LIMCH1: variants seen among roughly 807,000 people sequenced by gnomAD.
The protein encoded by LIMCH1 is LIM and calponin homology domains-containing protein 1.
In LIMCH1, 113 loss-of-function variants were observed where a neutral mutation model predicts 176.5. That is an observed-to-expected ratio of 0.64 (90% CI 0.55 to 0.75). The LOEUF (loss-of-function observed/expected upper bound fraction) is 0.75, where lower values mean the gene tolerates loss of function less well. Among genes scored for constraint, LIMCH1 ranks in the 30% least tolerant of loss-of-function variants. The pLI, the probability that LIMCH1 is intolerant of heterozygous loss-of-function variation, is 0.00. For missense variants in LIMCH1, 1,674 were observed against 1,814.9 expected (o/e 0.92, Z 1.41); for synonymous variants, 619 against 645.9 (o/e 0.96, Z 0.63).
chr4:41,592,619 G>C (rs7674730), intron 1 of LIMCH1, among the ~76,000 whole-genome samples: 1 of 151,864 alleles, frequency 6.6e-6, no homozygotes, highest in African/African-American at 2.4e-5. Context: ...ATAACTCCCA[G>C]ACAATGAGTG....
At chr4:41,682,259 T>C (rs186563788) in intron 25 of LIMCH1, 74 bp from the exon 26 acceptor site, 3 of 1,110,478 alleles carry the variant, frequency 2.7e-6, no homozygotes, top group African/African-American at 3.2e-5. Context: ...ACTTCAAATA[T>C]CCCTGGCCAG....
At chr4:41,396,905 A>T (rs13112303) in intron 1 of LIMCH1, among the ~76,000 whole-genome samples, 28,496 of 151,844 alleles carry the variant, frequency 0.19, 2,928 homozygotes, top group Middle Eastern at 0.27. Context: ...CTCAAAAAAA[A>T]AAATAAATAA....
chr4:41,619,186 A>G lies in LIMCH1; in HGVS notation c.206-2A>G, dbSNP rs2092375435. The G allele has an allele frequency of 6.3e-7, 1 of 1,599,396 alleles. No individual in the cohort carries two copies. Among genetic ancestry groups the G allele is most frequent in the Non-Finnish European group, 8.6e-7 (1 of 1,167,920 alleles). On this transcript the variant is annotated splice_acceptor_variant, in intron 5 of 31. Transcript: ENST00000503057. LOFTEE classifies it high-confidence loss of function. ...TCTCAGTACCCATCCTCTCTTCCCTAGGGAGAGGAAGCGACTCTGAATCCG... is the reference window on the plus strand; with the variant it reads ...TCTCAGTACCCATCCTCTCTTCCCTGGGGAGAGGAAGCGACTCTGAATCCG...
intron 1 of LIMCH1, among the ~76,000 whole-genome samples, chr4:41,595,359 G>C (rs2088547780): frequency 6.6e-6 from 1 of 151,946 alleles, no homozygotes; most frequent in Admixed American, 6.5e-5. Context: ...TGGAGAGGCG[G>C]GAAAAGGAAT....
intron 1 of LIMCH1, among the ~76,000 whole-genome samples, chr4:41,369,959 T>TGTGTGTGTGTG (rs57269261): frequency 2.1e-5 from 3 of 144,330 alleles, no homozygotes; most frequent in Admixed American, 6.8e-5. Flanking sequence ...TGTGTGTGTG[T>TGTGTGTGTGTG]TTTGTAGTGA....
chr4:41,406,382 A>G (rs1398223092), intron 1 of LIMCH1, among the ~76,000 whole-genome samples: 4 of 152,206 alleles, frequency 2.6e-5, no homozygotes, highest in African/African-American at 7.2e-5. Context: ...TAGTGATGTC[A>G]TCAGAAGCTT....
intron 1 of LIMCH1, among the ~76,000 whole-genome samples, chr4:41,472,395 C>T (rs1386625961): frequency 7.0e-6 from 1 of 143,282 alleles, no homozygotes; most frequent in Admixed American, 7.2e-5. Flanking sequence ...CTTCATTCCT[C>T]TCTCTCTCTC....
In LIMCH1 at chr4:41,687,835, T is replaced by C. The variant is rs1426605882; in HGVS notation, c.4089-5T>C. On this transcript the variant is annotated splice_polypyrimidine_tract_variant and splice_region_variant and intron_variant, in intron 28 of 31. Transcript: ENST00000503057. ...ATAATTTTTGACTCCTTTACCACAT[T>C]ACAGGAAAAGTCCCCGAGAGCACTT... The C allele has an allele frequency of 6.2e-7, 1 of 1,609,772 alleles. No homozygotes were observed. The highest frequency in any genetic ancestry group is 8.5e-7 in the Non-Finnish European group (1 of 1,176,416).
intron 1 of LIMCH1, among the ~76,000 whole-genome samples, chr4:41,390,181 C>G (rs1232757986): frequency 1.3e-5 from 2 of 151,860 alleles, no homozygotes; most frequent in Admixed American, 1.3e-4. Context: ...CCACTACTTT[C>G]TGAAGCTTGG....
chr4:41,593,353 C>T (rs2088029643), intron 1 of LIMCH1, among the ~76,000 whole-genome samples: 1 of 152,174 alleles, frequency 6.6e-6, no homozygotes, highest in Admixed American at 6.5e-5. Flanking sequence ...TATGTTATGC[C>T]TTTCTGTTGA....
intron 20 of LIMCH1, among the ~76,000 whole-genome samples, chr4:41,664,946 T>C (rs963172314): frequency 8.1e-4 from 124 of 152,222 alleles, no homozygotes; most frequent in African/African-American, 2.8e-3. Flanking sequence ...CTTGGTATCA[T>C]GTGGTGCCAA....
intron 1 of LIMCH1, among the ~76,000 whole-genome samples, chr4:41,413,756 G>C (rs1396509078): frequency 6.6e-6 from 1 of 152,250 alleles, no homozygotes; most frequent in African/African-American, 2.4e-5. Context: ...TTATGCTGTG[G>C]AGTGGTTAAT....
chr4:41,367,576 C>T (rs1443862825), intron 1 of LIMCH1, among the ~76,000 whole-genome samples: 2 of 149,364 alleles, frequency 1.3e-5, no homozygotes, highest in African/African-American at 4.9e-5. Flanking sequence ...TGCGGTGGCT[C>T]ACGCCTGTAA....
At chr4:41,531,499 CACACACACACACACACAT>C (rs1252798406) in intron 3 of LIMCH1, among the ~76,000 whole-genome samples, 1 of 141,840 alleles carries the variant, frequency 7.1e-6, no homozygotes, top group Non-Finnish European at 1.5e-5. Flanking sequence ...CACACACACA[CACACACACACACACACAT>C]ACACACCTTA....
intron 1 of LIMCH1, among the ~76,000 whole-genome samples, chr4:41,420,740 G>A (rs2060536535): frequency 1.3e-5 from 2 of 152,314 alleles, no homozygotes; most frequent in African/African-American, 2.4e-5. Context: ...TGAAATTCTC[G>A]AGTTCTGCTC....
At chr4:41,498,557 T>G (rs768041057) in intron 2 of LIMCH1, among the ~76,000 whole-genome samples, 75 of 152,208 alleles carry the variant, frequency 4.9e-4, no homozygotes, top group Non-Finnish European at 9.7e-4. Context: ...GAGTATTTAA[T>G]AAGAGGCTGG....
chr4:41,411,768 G>T (rs543282096), intron 1 of LIMCH1, among the ~76,000 whole-genome samples: 2 of 151,836 alleles, frequency 1.3e-5, no homozygotes, highest in South Asian at 4.2e-4. Flanking sequence ...AGACCAGCCT[G>T]GCCAAATGGT....
intron 1 of LIMCH1, among the ~76,000 whole-genome samples, chr4:41,457,853 A>T (rs1028798755): frequency 6.6e-6 from 1 of 152,232 alleles, no homozygotes; most frequent in African/African-American, 2.4e-5. Context: ...GCCTTCAAAG[A>T]CTTTGTTATT....
rs186247405 is a variant in LIMCH1, at chr4:41,463,359, C to T, written c.97-31177C>T. On this transcript the variant is annotated intron_variant, in intron 1 of 26. Coordinates refer to the LIMCH1 transcript ENST00000313860. ...TATTATCTGTGTTTAGGGCTCAGAACAGAAAAAAATGAGAAAGGTTTAATG... is the reference window on the plus strand; with the variant it reads ...TATTATCTGTGTTTAGGGCTCAGAATAGAAAAAAATGAGAAAGGTTTAATG... 3.1e-3 allele frequency among the ~76,000 whole-genome samples: 473 copies of T among 151,696 alleles called. 3 individuals carry two copies. The highest frequency in any genetic ancestry group is 0.011 in the African/African-American group (445 of 41,374).
Sources: allele counts gnomAD v4.1 joint callset (sites outside exome capture counted in the v4.1 genomes callset), GRCh38; gene constraint gnomAD v4.1.1; transcripts MANE v1.5; gene names NCBI Gene and HGNC (gene_info 2026-07-23, HGNC 2026-07-21).